PDE10A: variants seen among roughly 807,000 people sequenced by gnomAD.
PDE10A encodes the protein cAMP and cAMP-inhibited cGMP 3',5'-cyclic phosphodiesterase 10A.
PDE10A carries 39 observed loss-of-function variants against 97.7 expected under a neutral mutation model. The ratio of observed to expected loss-of-function variants is 0.40; its 90% CI spans 0.31 to 0.52. The LOEUF (loss-of-function observed/expected upper bound fraction) is 0.52, where lower values mean the gene tolerates loss of function less well. Ranked by LOEUF, PDE10A falls within the 20% of genes least tolerant of loss-of-function variation. The probability of loss-of-function intolerance (pLI) is 0.56; values close to 1 mark genes in which losing one functional copy is unlikely to be tolerated. For missense variants in PDE10A, 731 were observed against 1,047.8 expected (o/e 0.70, Z 4.17); for synonymous variants, 371 against 376.8 (o/e 0.98, Z 0.18).
intron 2 of PDE10A, among the ~76,000 whole-genome samples, chr6:165,485,595 T>C (rs1235800411): frequency 1.4e-5 from 2 of 139,570 alleles, no homozygotes; most frequent in Non-Finnish European, 3.1e-5. Context: ...GACAGCATCC[T>C]TTTTTTTTTT....
At chr6:165,516,065 T>C (rs73247764) in intron 2 of PDE10A, among the ~76,000 whole-genome samples, 9,397 of 152,248 alleles carry the variant, frequency 0.062, 924 homozygotes, top group African/African-American at 0.21. Context: ...ATTTATCTCA[T>C]CCTGCCTTAG....
chr6:165,435,888 C>G (rs1789980647), intron 5 of PDE10A, among the ~76,000 whole-genome samples: 1 of 152,184 alleles, frequency 6.6e-6, no homozygotes, highest in Non-Finnish European at 1.5e-5. Flanking sequence ...TATAAAATTG[C>G]AGATTCAGAA....
At chr6:165,599,227 AAAAC>A (rs765140462) in intron 1 of PDE10A, among the ~76,000 whole-genome samples, 3 of 152,258 alleles carry the variant, frequency 2.0e-5, no homozygotes, top group Non-Finnish European at 4.4e-5. Context: ...AAAGCATACT[AAAAC>A]AAGCAAACAC....
chr6:165,379,353 T>C lies in PDE10A; in HGVS notation c.2624A>G (p.Asn875Ser), dbSNP rs764162245. The change falls in exon 18 of 22, where the codon AAT (asparagine) becomes AGT (serine). Residue 875 changes from asparagine (N) to serine (S), a missense_variant. Around this residue, in one of 8 missense-constraint regions of PDE10A, gnomAD observed 25 missense variants for 83.7 expected, o/e 0.30. Coordinates refer to ENST00000539869, the MANE Select transcript of PDE10A (RefSeq NM_001385079.1). ...TVSILQLEGH[N>S]IFSTLSSSEY... is the part of the protein sequence containing the mutation. ...ACTGGAGCTCAGAGTGGAGAAGATATTGTGCCCTTCCAACTAGGGAAAAAA... is the reference window on the plus strand; with the variant it reads ...ACTGGAGCTCAGAGTGGAGAAGATACTGTGCCCTTCCAACTAGGGAAAAAA... 6.2e-7 allele frequency: 1 copy of C among 1,611,342 alleles called. No individual in the cohort carries two copies. The highest frequency in any genetic ancestry group is 8.5e-7 in the Non-Finnish European group (1 of 1,179,196).
intron 1 of PDE10A, among the ~76,000 whole-genome samples, chr6:165,773,902 T>C (rs1249104843): frequency 1.3e-5 from 2 of 152,128 alleles, no homozygotes; most frequent in African/African-American, 2.4e-5. Context: ...TAACATGTAT[T>C]ACAACTATCA....
chr6:165,786,406 C>T (rs1172743431), intron 1 of PDE10A, among the ~76,000 whole-genome samples: 1 of 152,126 alleles, frequency 6.6e-6, no homozygotes, highest in Non-Finnish European at 1.5e-5. Flanking sequence ...CATTCTTTTC[C>T]AAAACATCAC....
At chr6:165,767,656 A>G (rs1777894168) in intron 1 of PDE10A, among the ~76,000 whole-genome samples, 1 of 152,138 alleles carries the variant, frequency 6.6e-6, no homozygotes, top group Admixed American at 6.5e-5. Flanking sequence ...ATTCCATTCT[A>G]TGGATATATT....
intron 1 of PDE10A, among the ~76,000 whole-genome samples, chr6:165,885,862 A>C (rs547486012): frequency 6.6e-6 from 1 of 152,260 alleles, no homozygotes; most frequent in Non-Finnish European, 1.5e-5. Flanking sequence ...GAAGACAGAA[A>C]GTCTCAATAA....
intron 18 of PDE10A, among the ~76,000 whole-genome samples, chr6:165,353,614 T>G (rs1023449128): frequency 1.3e-5 from 2 of 152,208 alleles, no homozygotes; most frequent in Non-Finnish European, 2.9e-5. Context: ...CATATTACTT[T>G]GTGGAAAAAG....
intron 1 of PDE10A, among the ~76,000 whole-genome samples, chr6:165,670,074 C>T (rs565209920): frequency 1.8e-4 from 28 of 152,038 alleles, no homozygotes; most frequent in Non-Finnish European, 3.8e-4. Flanking sequence ...CACCACCTGG[C>T]AGGGAGCAGA....
intron 1 of PDE10A, among the ~76,000 whole-genome samples, chr6:165,735,552 T>C (rs1439308739): frequency 6.6e-6 from 1 of 152,110 alleles, no homozygotes; most frequent in Non-Finnish European, 1.5e-5. Flanking sequence ...GTTCAAGATC[T>C]ATAGAAATGA....
chr6:165,720,091 G>A (rs1792128106), intron 1 of PDE10A, among the ~76,000 whole-genome samples: 1 of 152,292 alleles, frequency 6.6e-6, no homozygotes, highest in East Asian at 1.9e-4. Context: ...TCACAAAATA[G>A]TGATGTATTA....
rs1562634555 is a variant in PDE10A at position 165,619,371 on chromosome 6, G to GTA, written c.865+42575_865+42576insTA. On this transcript the variant is annotated intron_variant, in intron 1 of 21. Transcript: ENST00000539869. Reference sequence around the variant, plus strand: ...AGTGTAGTGTAGTCTAGTGTAGTGTGGTGTAGTGTAGTCTAGTATAGTGTA... The same window carrying GTA: ...AGTGTAGTGTAGTCTAGTGTAGTGTGTAGTGTAGTGTAGTCTAGTATAGTGTA... Among the ~76,000 whole-genome samples, 15 of 7,668 alleles carry GTA rather than the reference G, an allele frequency of 2.0e-3. 1 individual carries two copies. The highest frequency in any genetic ancestry group is 2.7e-3 in the Admixed American group (2 of 728). 5.0% of individuals were successfully genotyped at this position (7,668 alleles called of 152,430 possible). A position where few individuals can be genotyped will look rare whatever the true frequency, so the allele number is the denominator to read the frequency against.
intron 17 of PDE10A, among the ~76,000 whole-genome samples, chr6:165,383,542 A>G (rs188436295): frequency 1.0e-3 from 153 of 152,068 alleles, no homozygotes; most frequent in African/African-American, 3.4e-3. Flanking sequence ...TTCCTCACGT[A>G]AAGCTTCAGT....
In PDE10A at chr6:165,330,931, G is replaced by A. The variant is rs1247014815; in HGVS notation, c.*2094C>T. The stretch of plus-strand genomic sequence containing the variant: ...TTGTATGCAGAAAAATATGTATCTT[G>A]TTCAAATTCAATTATATGATACACT... On this transcript the variant is annotated 3_prime_UTR_variant, in exon 22 of 22. Coordinates refer to ENST00000539869, the MANE Select transcript of PDE10A (RefSeq NM_001385079.1). 1 of 152,088 alleles carries A rather than the reference G, an allele frequency of 6.6e-6. No individual in the cohort carries two copies. Among genetic ancestry groups the A allele is most frequent in the Non-Finnish European group, 1.5e-5 (1 of 67,998 alleles). The allele number at this position is 152,088 out of a possible 1,614,324, so 9.4% of individuals were successfully genotyped here. A position where few individuals can be genotyped will look rare whatever the true frequency, so the allele number is the denominator to read the frequency against.
chr6:165,756,972 A>ATT (rs34234898), intron 1 of PDE10A, among the ~76,000 whole-genome samples: 37,501 of 146,228 alleles, frequency 0.26, 5,035 homozygotes, highest in Middle Eastern at 0.35. Context: ...TTAGGATGCT[A>ATT]TTTTTTTTTT....
At chr6:165,528,156 A>G (rs1782561117) in intron 2 of PDE10A, among the ~76,000 whole-genome samples, 1 of 152,350 alleles carries the variant, frequency 6.6e-6, no homozygotes, top group South Asian at 2.1e-4. Flanking sequence ...AAAATTGGTG[A>G]CAAAGCAATT....
intron 1 of PDE10A, among the ~76,000 whole-genome samples, chr6:165,691,075 T>TCTCTCTCTCTC (rs1562686771): frequency 1.2e-4 from 6 of 50,380 alleles, no homozygotes; most frequent in African/African-American, 6.9e-4. Flanking sequence ...CTCTCTCTCT[T>TCTCTCTCTCTC]TCTCTCTCTC....
intron 2 of PDE10A, among the ~76,000 whole-genome samples, chr6:165,521,403 T>A (rs899124231): frequency 1.3e-5 from 2 of 152,148 alleles, no homozygotes. Flanking sequence ...AAGCAAGGAA[T>A]AATTAAGCTT....
Sources: gnomAD v4.1 joint callset for allele counts (sites outside exome capture counted in the v4.1 genomes callset) on GRCh38, gnomAD v4.1.1 for gene constraint, gnomAD v4.1.1 regional missense constraint, MANE v1.5 for transcripts, NCBI Gene and HGNC (gene_info 2026-07-23, HGNC 2026-07-21) for gene names.